The following ANKRD12 variants were observed in gnomAD, a reference collection of about 807,000 sequenced individuals.
ANKRD12 encodes the protein ankyrin repeat domain 12, also known as ankyrin repeat domain-containing protein 12.
Under a neutral mutation model 183.4 loss-of-function variants are expected in ANKRD12, and 85 were observed. That is an observed-to-expected ratio of 0.46 (90% confidence interval 0.39 to 0.56). The LOEUF (loss-of-function observed/expected upper bound fraction) is 0.56, where lower values mean the gene tolerates loss of function less well. Among genes scored for constraint, ANKRD12 ranks in the 20% least tolerant of loss-of-function variants. ANKRD12 has a pLI of 0.00. For missense variants in ANKRD12, 2,405 were observed against 2,357.1 expected (o/e 1.02, Z -0.42); for synonymous variants, 914 against 800.2 (o/e 1.14, Z -2.40).
At position 9,167,587 on chromosome 18, in the gene ANKRD12, A is replaced by T. The variant is rs184469380; in HGVS notation, c.-51-14795A>T. Among the ~76,000 whole-genome samples the T allele has an allele frequency of 6.3e-3, 954 of 152,270 alleles. 10 individuals are homozygous for T. The highest frequency in any genetic ancestry group is 0.022 in the African/African-American group (895 of 41,542). On this transcript the variant is annotated intron_variant, in intron 1 of 12. Transcript: ENST00000262126. Reference sequence around the variant, plus strand: ...GATTTTGTATCCTGAGACTTTGCTGAAGTTGCTTATCAGCTTGAGGAGATT... The same window carrying T: ...GATTTTGTATCCTGAGACTTTGCTGTAGTTGCTTATCAGCTTGAGGAGATT...
At position 9,267,003 on chromosome 18, in the gene ANKRD12, A is replaced by T. The variant is rs574748181; in HGVS notation, c.5763+3115A>T. On this transcript the variant is annotated intron_variant, in intron 10 of 12. Coordinates refer to ENST00000262126, the MANE Select transcript of ANKRD12 (RefSeq NM_015208.5). ...TAAAACAGACTTGAAACCAACAAAG[A>T]TCAAAAGAGACAAAGAAGGCCATTA... Among the ~76,000 whole-genome samples, 18 of 152,284 alleles carry T rather than the reference A, an allele frequency of 1.2e-4. No individual in the cohort carries two copies. The East Asian group carries it at 3.3e-3, about 28-fold the overall frequency.
At chr18:9,273,973 GAAGA>G (rs748701019) in intron 10 of ANKRD12, among the ~76,000 whole-genome samples, 36 of 152,378 alleles carry the variant, frequency 2.4e-4, no homozygotes, top group African/African-American at 7.9e-4. Context: ...ATGCTAGGTT[GAAGA>G]AAGAAAGGCA....
At position 9,271,008 on chromosome 18, in the gene ANKRD12, C is replaced by T. The variant is rs564448055; in HGVS notation, c.5764-4516C>T. On this transcript the variant is annotated intron_variant, in intron 10 of 12. Transcript: ENST00000262126. ...TACAAGTATCTCCGGCCAGCTGTGTCATAGAAGTATCTCTACGCAGAACTG... is the reference window on the plus strand; with the variant it reads ...TACAAGTATCTCCGGCCAGCTGTGTTATAGAAGTATCTCTACGCAGAACTG... 1.3e-4 allele frequency among the ~76,000 whole-genome samples: 20 copies of T among 152,268 alleles called. No homozygotes were observed. The South Asian group carries it at 4.1e-3, about 32-fold the overall frequency.
chr18:9,228,741 A>C (rs562358752), intron 8 of ANKRD12, among the ~76,000 whole-genome samples: 33 of 152,168 alleles, frequency 2.2e-4, no homozygotes, highest in Non-Finnish European at 4.7e-4. Flanking sequence ...GTAATTTGCA[A>C]ATATTTTCTC....
At chr18:9,144,530 C>A (rs2078428380) in intron 1 of ANKRD12, among the ~76,000 whole-genome samples, 2 of 152,110 alleles carry the variant, frequency 1.3e-5, no homozygotes, top group Admixed American at 1.3e-4. Context: ...AAAACAGAAT[C>A]TTTTGAGCAT....
chr18:9,240,613 A>G (rs1442440845), intron 8 of ANKRD12, among the ~76,000 whole-genome samples: 1 of 152,218 alleles, frequency 6.6e-6, no homozygotes, highest in Admixed American at 6.5e-5. Flanking sequence ...AAAGTTTAAA[A>G]TGCCAGTCAT....
At chr18:9,160,283 TA>T (rs1273077602) in intron 1 of ANKRD12, among the ~76,000 whole-genome samples, 2 of 152,248 alleles carry the variant, frequency 1.3e-5, no homozygotes, top group Non-Finnish European at 2.9e-5. Flanking sequence ...CCTGGCTAAT[TA>T]AAAAACAATT....
chr18:9,265,514 G>A (rs996995287), intron 10 of ANKRD12, among the ~76,000 whole-genome samples: 4 of 152,058 alleles, frequency 2.6e-5, no homozygotes, highest in African/African-American at 4.8e-5. Flanking sequence ...CCACACAAAC[G>A]GTCTGGAGTG....
intron 1 of ANKRD12, among the ~76,000 whole-genome samples, chr18:9,161,307 A>G (rs2031379218): frequency 6.6e-6 from 1 of 151,982 alleles, no homozygotes; most frequent in Non-Finnish European, 1.5e-5. Flanking sequence ...ATTTGTAGAC[A>G]GACTTTAACT....
chr18:9,157,103 G>A (rs1264657711), intron 1 of ANKRD12, among the ~76,000 whole-genome samples: 6 of 152,204 alleles, frequency 3.9e-5, no homozygotes, highest in South Asian at 2.1e-4. Context: ...ACTCTGAACC[G>A]TGCTTCTAGA....
chr18:9,254,128 A>G (rs908731840), intron 8 of ANKRD12, 83 bp from the exon 9 acceptor site: 15 of 1,410,424 alleles, frequency 1.1e-5, no homozygotes, highest in Non-Finnish European at 1.3e-5. Context: ...TATAAGCTAT[A>G]TCTTTTTCTC....
At chr18:9,197,352 T>C (rs2034895347) in intron 3 of ANKRD12, among the ~76,000 whole-genome samples, 1 of 152,256 alleles carries the variant, frequency 6.6e-6, no homozygotes, top group Non-Finnish European at 1.5e-5. Context: ...ATAACACTTA[T>C]TCTTCCTTTT....
chr18:9,254,082 T>C lies in ANKRD12; in HGVS notation c.944-129T>C, dbSNP rs376428025. 1.2e-5 allele frequency: 13 copies of C among 1,072,442 alleles called. No individual in the cohort carries two copies. The East Asian group carries it at 3.9e-4, about 33-fold the overall frequency. 66.4% of individuals were successfully genotyped at this position (1,072,442 alleles called of 1,614,324 possible). ...TGCTATTACATTATTTCCATATAAA[T>C]CTGAAGTGATTATGAATTGTTTGAA... is the stretch of plus-strand genomic sequence containing the variant. On this transcript the variant is annotated intron_variant, in intron 8 of 12. Transcript: ENST00000262126.
chr18:9,139,576 A>G (rs771923568), intron 1 of ANKRD12, among the ~76,000 whole-genome samples: 1 of 152,212 alleles, frequency 6.6e-6, no homozygotes, highest in African/African-American at 2.4e-5. Context: ...AATCATTTCC[A>G]TCATAGTTCA....
intron 1 of ANKRD12, among the ~76,000 whole-genome samples, chr18:9,176,939 A>G (rs1273785109): frequency 1.3e-5 from 2 of 152,188 alleles, no homozygotes; most frequent in Non-Finnish European, 2.9e-5. Context: ...ACATTTAGAG[A>G]ATGTTAATCC....
chr18:9,200,456 A>G (rs570283812), intron 3 of ANKRD12: 5 of 152,332 alleles, frequency 3.3e-5, no homozygotes, highest in African/African-American at 1.2e-4. Flanking sequence ...TCTTACACCT[A>G]CATCAGCTTG....
Position 9,215,667 on chromosome 18 carries a change from A to G in ANKRD12, c.653-1091A>G, listed in dbSNP as rs556540494. Among the ~76,000 whole-genome samples the G allele has an allele frequency of 1.2e-4, 18 of 152,286 alleles. 1 individual carries two copies. In the South Asian group the frequency reaches 2.9e-3, roughly 25 times the overall value. On this transcript the variant is annotated intron_variant, in intron 6 of 12. Transcript: ENST00000262126. ...CATGAAAGTCTGGAAGGATTACACCATTGAAGATGCTGTCATTGTTAAAGA... is the reference window on the plus strand; with the variant it reads ...CATGAAAGTCTGGAAGGATTACACCGTTGAAGATGCTGTCATTGTTAAAGA...
At chr18:9,147,866 C>T (rs1168614385) in intron 1 of ANKRD12, among the ~76,000 whole-genome samples, 2 of 152,128 alleles carry the variant, frequency 1.3e-5, no homozygotes, top group Admixed American at 6.5e-5. Flanking sequence ...TTGGCTTTTT[C>T]ACTGTACTTA....
At chr18:9,204,275 T>C (rs897581771) in intron 3 of ANKRD12, among the ~76,000 whole-genome samples, 4 of 152,256 alleles carry the variant, frequency 2.6e-5, no homozygotes, top group Non-Finnish European at 5.9e-5. Flanking sequence ...CTTTAAGATA[T>C]TTTTGTTGAA....
Sources: gnomAD v4.1 joint callset for allele counts (sites outside exome capture counted in the v4.1 genomes callset) on GRCh38, gnomAD v4.1.1 for gene constraint, MANE v1.5 for transcripts, NCBI Gene and HGNC (gene_info 2026-07-23, HGNC 2026-07-21) for gene names.